The following PSD3 variants were observed in gnomAD, a reference collection of about 807,000 sequenced individuals.
PSD3 encodes pleckstrin and Sec7 domain containing 3, also known as PH and SEC7 domain-containing protein 3.
Under a neutral mutation model 105.5 loss-of-function variants are expected in PSD3, and 49 were observed. The ratio of observed to expected loss-of-function variants is 0.46; its 90% CI spans 0.37 to 0.59. PSD3 has a LOEUF of 0.59. PSD3 is among the 20% of genes least tolerant of loss of function. PSD3 has a pLI of 0.00. For synonymous variants in PSD3, 557 were observed against 457.8 expected, an observed-to-expected ratio of 1.22 and a Z score of -2.77; for missense variants, 1,561 against 1,263.8, an observed-to-expected ratio of 1.24 and a Z score of -3.57.
intron 1 of PSD3, among the ~76,000 whole-genome samples, chr8:19,075,622 G>A (rs1829441531): frequency 6.6e-6 from 1 of 152,150 alleles, no homozygotes. Context: ...GCTCTCTTCT[G>A]ACTCAATGGA....
At chr8:18,576,316 T>C (rs998902041) in intron 12 of PSD3, among the ~76,000 whole-genome samples, 2 of 152,184 alleles carry the variant, frequency 1.3e-5, no homozygotes, top group African/African-American at 4.8e-5. Context: ...TCCACATTTA[T>C]AATATTAAAC....
At chr8:18,584,376 G>A (rs1367321356) in intron 12 of PSD3, among the ~76,000 whole-genome samples, 2 of 152,186 alleles carry the variant, frequency 1.3e-5, no homozygotes, top group Non-Finnish European at 2.9e-5. Context: ...TAAACTTCCA[G>A]TAATTACAAG....
chr8:18,868,433 A>G (rs1817106739), intron 3 of PSD3, among the ~76,000 whole-genome samples: 2 of 152,212 alleles, frequency 1.3e-5, no homozygotes, highest in African/African-American at 2.4e-5. Context: ...GCAGATAAAT[A>G]TATCATGGAA....
intron 9 of PSD3, chr8:18,733,457 T>G (rs897757235): frequency 3.3e-5 from 5 of 152,654 alleles, no homozygotes; most frequent in African/African-American, 4.8e-5. Context: ...CCTCTTGAAA[T>G]CCTGACTCTT....
intron 2 of PSD3, among the ~76,000 whole-genome samples, chr8:18,926,155 T>C (rs537963088): frequency 2.6e-5 from 4 of 151,822 alleles, no homozygotes; most frequent in African/African-American, 9.7e-5. Flanking sequence ...GAATCAGTGT[T>C]AGAAAATGAT....
chr8:19,045,108 C>G (rs1586662489), intron 1 of PSD3, among the ~76,000 whole-genome samples: 1 of 152,088 alleles, frequency 6.6e-6, no homozygotes, highest in South Asian at 2.1e-4. Flanking sequence ...TTGCTTGAAC[C>G]CCGGAGGCAG....
At chr8:19,034,442 C>T (rs1827877606) in intron 1 of PSD3, among the ~76,000 whole-genome samples, 1 of 152,162 alleles carries the variant, frequency 6.6e-6, no homozygotes, top group African/African-American at 2.4e-5. Flanking sequence ...AGGTGGTCAT[C>T]CAGTTTCTGC....
intron 11 of PSD3, among the ~76,000 whole-genome samples, chr8:18,617,722 G>A (rs184823596): frequency 8.9e-4 from 136 of 152,152 alleles, no homozygotes; most frequent in Non-Finnish European, 1.5e-3. Context: ...CCTCCCTTTG[G>A]AGTTTAGGCA....
rs1326929246 is a variant in PSD3 at position 18,575,124 on chromosome 8, A to G, written c.2639+4T>C. 2 of 1,611,396 alleles carry G rather than the reference A, an allele frequency of 1.2e-6. No homozygotes were observed. Among genetic ancestry groups the G allele is most frequent in the African/African-American group, 2.7e-5 (2 of 74,764 alleles). On this transcript the variant is annotated splice_donor_region_variant and intron_variant, in intron 13 of 15. Coordinates refer to ENST00000327040, the MANE Select transcript of PSD3 (RefSeq NM_015310.4). ...AAAATCAAATAAAAACCAACAAAACATACTGAGTTTGAAAAAGCAAGACCC... is the reference window on the plus strand; with the variant it reads ...AAAATCAAATAAAAACCAACAAAACGTACTGAGTTTGAAAAAGCAAGACCC...
At chr8:18,780,388 T>G (rs911472968) in intron 8 of PSD3, among the ~76,000 whole-genome samples, 1 of 152,060 alleles carries the variant, frequency 6.6e-6, no homozygotes, top group East Asian at 1.9e-4. Context: ...CTATATTTTT[T>G]AAGGGGGGAA....
At chr8:19,010,077 A>G (rs909829136) in intron 1 of PSD3, among the ~76,000 whole-genome samples, 8 of 152,208 alleles carry the variant, frequency 5.3e-5, no homozygotes, top group African/African-American at 1.7e-4. Context: ...ACATGTATAA[A>G]TTATTCTGAT....
intron 9 of PSD3, among the ~76,000 whole-genome samples, chr8:18,690,144 C>A (rs1350576115): frequency 1.3e-5 from 2 of 152,040 alleles, no homozygotes; most frequent in Admixed American, 6.5e-5. Flanking sequence ...AAATAGAGGC[C>A]AGCTACTCAT....
intron 9 of PSD3, chr8:18,683,809 A>C (rs1391635599): frequency 1.3e-6 from 1 of 765,208 alleles, no homozygotes; most frequent in Non-Finnish European, 2.4e-6. Context: ...GAGGAGTTGG[A>C]AATTTTCATG....
chr8:18,616,628 C>CT (rs71217391), intron 11 of PSD3, among the ~76,000 whole-genome samples: 32 of 126,800 alleles, frequency 2.5e-4, no homozygotes, highest in Admixed American at 8.3e-4. Context: ...CTTTTCTTTT[C>CT]TTTTTTTTTT....
At chr8:18,638,829 G>A (rs887068516) in intron 10 of PSD3, among the ~76,000 whole-genome samples, 1 of 152,140 alleles carries the variant, frequency 6.6e-6, no homozygotes, top group Non-Finnish European at 1.5e-5. Context: ...TTTTTTGACT[G>A]TAAAATATAA....
At chr8:18,980,455 CGTTGGTTG>C (rs895862133) in intron 1 of PSD3, among the ~76,000 whole-genome samples, 2 of 151,622 alleles carry the variant, frequency 1.3e-5, no homozygotes, top group African/African-American at 4.9e-5. Context: ...TTGGTTGGTT[CGTTGGTTG>C]GTTGGTTGGT....
chr8:18,784,006 T>C (rs369655680), intron 8 of PSD3, among the ~76,000 whole-genome samples: 58 of 152,352 alleles, frequency 3.8e-4, no homozygotes, highest in African/African-American at 1.3e-3. Context: ...TAGGAGTATA[T>C]TGTATGACTA....
At chr8:18,838,694 C>A (rs1408836431) in intron 4 of PSD3, among the ~76,000 whole-genome samples, 3 of 151,310 alleles carry the variant, frequency 2.0e-5, no homozygotes, top group African/African-American at 7.3e-5. Context: ...CCAGCTACTT[C>A]GGGAGGCTGA....
intron 9 of PSD3, among the ~76,000 whole-genome samples, chr8:18,741,153 G>A (rs1240858610): frequency 6.6e-6 from 1 of 152,200 alleles, no homozygotes; most frequent in Non-Finnish European, 1.5e-5. Flanking sequence ...TAAGTGGTGG[G>A]GAGAAAGGAA....
Sources: gnomAD v4.1 joint callset for allele counts (sites outside exome capture counted in the v4.1 genomes callset) on GRCh38, gnomAD v4.1.1 for gene constraint, MANE v1.5 for transcripts, NCBI Gene and HGNC (gene_info 2026-07-23, HGNC 2026-07-21) for gene names.